The following CCDC15 variants were observed in gnomAD, a reference collection of about 807,000 sequenced individuals.
The protein encoded by CCDC15 is coiled-coil domain containing 15.
CCDC15 carries 105 observed loss-of-function variants against 114.5 expected under a neutral mutation model. The observed-to-expected ratio is 0.92, with a 90% CI of 0.78 to 1.08. CCDC15 has a LOEUF of 1.08. CCDC15 is among the 50% of genes least tolerant of loss of function. CCDC15 has a pLI of 0.00. For missense variants in CCDC15, 1,105 were observed against 1,093.6 expected (o/e 1.01, Z -0.15); for synonymous variants, 334 against 377.8 (o/e 0.88, Z 1.34).
chr11:124,988,152 G>A lies in CCDC15; in HGVS notation c.1908+18G>A, dbSNP rs770561371. On this transcript the variant is annotated intron_variant, in intron 8 of 15. Coordinates refer to ENST00000344762, the MANE Select transcript of CCDC15 (RefSeq NM_025004.3). ...AATATCAGGTAAAATAGAGCAGAAA[G>A]GAGATACAAAAAGAAGAAATAAGCT... 2 of 1,588,720 alleles carry A rather than the reference G, an allele frequency of 1.3e-6. No homozygotes were observed. The highest frequency in any genetic ancestry group is 3.7e-5 in the Admixed American group (2 of 54,572).
At chr11:125,004,929 G>C (rs1948535332) in intron 12 of CCDC15, among the ~76,000 whole-genome samples, 180 bp from the exon 13 acceptor site, 1 of 151,982 alleles carries the variant, frequency 6.6e-6, no homozygotes, top group Non-Finnish European at 1.5e-5. Flanking sequence ...TAAAATTCTT[G>C]TGTATGTGAC....
At chr11:125,000,931 A>G (rs1374006204) in intron 11 of CCDC15, among the ~76,000 whole-genome samples, 2 of 152,154 alleles carry the variant, frequency 1.3e-5, no homozygotes, top group South Asian at 2.1e-4. Context: ...TATTTTATAT[A>G]TATTTCTCTT....
At chr11:124,966,722 G>A (rs1246880897) in intron 4 of CCDC15, among the ~76,000 whole-genome samples, 1 of 152,186 alleles carries the variant, frequency 6.6e-6, no homozygotes, top group Non-Finnish European at 1.5e-5. Context: ...AGTTGATGCA[G>A]TTTCTTCCTA....
intron 13 of CCDC15, among the ~76,000 whole-genome samples, chr11:125,009,942 T>C (rs1948578166): frequency 6.6e-6 from 1 of 152,184 alleles, no homozygotes; most frequent in Admixed American, 6.5e-5. Flanking sequence ...CTTTGCTGTT[T>C]TGAATAGTGG....
chr11:124,986,704 C>CGCGCGT (rs1948165750), intron 6 of CCDC15, 38 bp from the exon 7 acceptor site: 1 of 1,396,196 alleles, frequency 7.2e-7, no homozygotes, highest in African/African-American at 1.9e-5. Context: ...TGTGTGTGCG[C>CGCGCGT]GCGCGCGCGT....
chr11:124,959,277 G>A lies in CCDC15; in HGVS notation c.327+13G>A, dbSNP rs1433994358. 1 of 1,555,932 alleles carries A rather than the reference G, an allele frequency of 6.4e-7. No homozygotes were observed. The highest frequency in any genetic ancestry group is 8.6e-7 in the Non-Finnish European group (1 of 1,157,206). On this transcript the variant is annotated intron_variant, in intron 3 of 15. Transcript: ENST00000344762. ...GTCTTATGAAAGAGTAAGTTCAAAA[G>A]TGAGCCTGAGTAAAGATTGAATGGA...
At chr11:125,025,080 A>ATGAATATC (rs1948689725) in intron 13 of CCDC15, among the ~76,000 whole-genome samples, 1 of 139,146 alleles carries the variant, frequency 7.2e-6, no homozygotes, top group Non-Finnish European at 1.5e-5. Context: ...ATATGAATAT[A>ATGAATATC]TATGAATATA....
chr11:124,955,918 G>A (rs1057364543), intron 2 of CCDC15, among the ~76,000 whole-genome samples: 2 of 152,106 alleles, frequency 1.3e-5, no homozygotes, highest in Admixed American at 6.5e-5. Flanking sequence ...AAGCTATGAC[G>A]TTGGGTTGAT....
At chr11:124,957,188 T>C (rs917093015) in intron 2 of CCDC15, among the ~76,000 whole-genome samples, 1 of 152,210 alleles carries the variant, frequency 6.6e-6, no homozygotes, top group Non-Finnish European at 1.5e-5. Flanking sequence ...TGCCCCATAG[T>C]GTCTGGGACC....
At chr11:125,004,510 A>G (rs1948528405) in intron 12 of CCDC15, among the ~76,000 whole-genome samples, 1 of 152,058 alleles carries the variant, frequency 6.6e-6, no homozygotes, top group African/African-American at 2.4e-5. Context: ...AAAGCCCTGC[A>G]CTACTTTGGT....
chr11:125,021,817 C>A (rs1948662293), intron 13 of CCDC15, among the ~76,000 whole-genome samples: 1 of 152,002 alleles, frequency 6.6e-6, no homozygotes, highest in Middle Eastern at 3.4e-3. Flanking sequence ...GCTGACTGGT[C>A]TAGAGAATAA....
At chr11:124,991,609 C>T in intron 9 of CCDC15, 26 bp downstream of exon 9, 1 of 1,571,590 alleles carries the variant, frequency 6.4e-7, no homozygotes, top group Non-Finnish European at 8.6e-7. Flanking sequence ...AAGATATAAA[C>T]AGGAAGGAAG....
At chr11:124,971,429 C>G (rs1311804056) in intron 4 of CCDC15, among the ~76,000 whole-genome samples, 2 of 152,178 alleles carry the variant, frequency 1.3e-5, no homozygotes, top group Admixed American at 6.5e-5. Flanking sequence ...TGGAGAATGA[C>G]TTTGATGAGT....
intron 4 of CCDC15, among the ~76,000 whole-genome samples, chr11:124,971,533 T>C (rs544428279): frequency 6.6e-6 from 1 of 152,218 alleles, no homozygotes; most frequent in Non-Finnish European, 1.5e-5. Context: ...AGGTCTGATA[T>C]ATGTACATAT....
At chr11:124,969,487 C>G (rs1029437365) in intron 4 of CCDC15, among the ~76,000 whole-genome samples, 1 of 152,132 alleles carries the variant, frequency 6.6e-6, no homozygotes, top group Admixed American at 6.5e-5. Context: ...TTTTATTGAT[C>G]TGTCCCTATT....
chr11:125,011,707 G>A (rs1333680397), intron 13 of CCDC15, among the ~76,000 whole-genome samples: 1 of 152,128 alleles, frequency 6.6e-6, no homozygotes, highest in Admixed American at 6.5e-5. Context: ...ATATTTGCAG[G>A]ATTGGGCTCA....
intron 11 of CCDC15, among the ~76,000 whole-genome samples, chr11:125,001,084 T>C (rs1018017843): frequency 2.6e-5 from 4 of 152,206 alleles, no homozygotes; most frequent in Non-Finnish European, 5.9e-5. Context: ...TGCTTAGTAA[T>C]AATAGATAGT....
intron 6 of CCDC15, among the ~76,000 whole-genome samples, chr11:124,982,425 T>C (rs530805857): frequency 3.4e-4 from 52 of 152,370 alleles, no homozygotes; most frequent in Non-Finnish European, 6.5e-4. Context: ...TGGCCAGTAA[T>C]AGTCTTTCCT....
intron 4 of CCDC15, among the ~76,000 whole-genome samples, chr11:124,962,947 G>C (rs1334842732): frequency 1.3e-5 from 2 of 152,112 alleles, no homozygotes; most frequent in African/African-American, 4.8e-5. Context: ...ATGGTTTCCA[G>C]CTTCATCCAT....
Sources: allele counts gnomAD v4.1 joint callset (sites outside exome capture counted in the v4.1 genomes callset), GRCh38; gene constraint gnomAD v4.1.1; transcripts MANE v1.5; gene names NCBI Gene and HGNC (gene_info 2026-07-23, HGNC 2026-07-21).